KIRREL3: variants seen among roughly 807,000 people sequenced by gnomAD.
KIRREL3 encodes kirre like nephrin family adhesion molecule 3.
A neutral mutation model predicts 89.7 loss-of-function variants in KIRREL3; 36 were observed. The ratio of observed to expected loss-of-function variants is 0.40; its 90% CI spans 0.31 to 0.53. The LOEUF (loss-of-function observed/expected upper bound fraction) is 0.53. Among genes scored for constraint, KIRREL3 ranks in the 20% least tolerant of loss-of-function variants. The pLI, the probability that KIRREL3 is intolerant of heterozygous loss-of-function variation, is 0.49. For synonymous variants in KIRREL3, 445 were observed against 441.4 expected (o/e 1.01, Z -0.10); for missense variants, 864 against 1,056.6 (o/e 0.82, Z 2.53).
intron 1 of KIRREL3, among the ~76,000 whole-genome samples, chr11:126,794,878 T>C (rs1950755635): frequency 6.6e-6 from 1 of 152,242 alleles, no homozygotes; most frequent in Admixed American, 6.5e-5. Context: ...GGATAAACTG[T>C]GGTACCTCCA....
intron 1 of KIRREL3, among the ~76,000 whole-genome samples, chr11:126,800,751 T>A (rs1565742967): frequency 6.6e-6 from 1 of 152,142 alleles, no homozygotes; most frequent in Non-Finnish European, 1.5e-5. Flanking sequence ...CAGCCAGGTG[T>A]GAACTCCAGG....
chr11:126,568,470 T>C lies in KIRREL3; in HGVS notation c.56-5558A>G, dbSNP rs748735381. ...GACATTCATCCCTGCCACGTTGACA[T>C]AGAGAGCAGGGGAGGGGCTGAAAAA... On this transcript the variant is annotated intron_variant, in intron 1 of 16. Transcript: ENST00000525144. This position sits in a 1 kb window ranked among gnomAD's most constrained non-coding sequence, Gnocchi z 4.6. Among the ~76,000 whole-genome samples, 63 of 152,054 alleles carry C rather than the reference T, an allele frequency of 4.1e-4. No homozygotes were observed. The highest frequency in any genetic ancestry group is 1.6e-3 in the Admixed American group (24 of 15,276).
chr11:126,626,927 G>T (rs1035607559), intron 1 of KIRREL3, among the ~76,000 whole-genome samples: 1 of 151,828 alleles, frequency 6.6e-6, no homozygotes, highest in Non-Finnish European at 1.5e-5. Flanking sequence ...AGAATCGCTT[G>T]AACCCAGTGG....
rs1943115109 is a variant in KIRREL3 at position 126,611,249 on chromosome 11, T to C, written c.56-48337A>G. ...TTGGCTCACAGCGCCCGGTGAATGTTAGCTGCTATTACTGTTGTTCCTACC... is the reference window on the plus strand; with the variant it reads ...TTGGCTCACAGCGCCCGGTGAATGTCAGCTGCTATTACTGTTGTTCCTACC... On this transcript the variant is annotated intron_variant, in intron 1 of 16. Coordinates refer to ENST00000525144, the MANE Select transcript of KIRREL3 (RefSeq NM_032531.4). The surrounding 1 kb of genome is among the most constrained non-coding windows in gnomAD (Gnocchi z 4.7). Among the ~76,000 whole-genome samples the C allele has an allele frequency of 6.6e-6, 1 of 152,184 alleles. No individual in the cohort carries two copies. The highest frequency in any genetic ancestry group is 2.1e-4 in the South Asian group (1 of 4,828).
In KIRREL3 at chr11:126,978,701, A is replaced by T. The variant is rs1949644669; in HGVS notation, c.55+21754T>A. 6.6e-6 allele frequency among the ~76,000 whole-genome samples: 1 copy of T among 150,782 alleles called. No individual in the cohort carries two copies. Among genetic ancestry groups the T allele is most frequent in the South Asian group, 2.2e-4 (1 of 4,642 alleles). On this transcript the variant is annotated intron_variant, in intron 1 of 16. Transcript: ENST00000525144. The surrounding 1 kb of genome is among the most constrained non-coding windows in gnomAD (Gnocchi z 4.2). ...CTGCCCATTTTCTTAGCTAATGTCC[A>T]CTCTGCCCTGGAGCTTTGCTTCATG...
At chr11:126,447,252 G>A (rs551098149) in intron 8 of KIRREL3, among the ~76,000 whole-genome samples, 1 of 151,878 alleles carries the variant, frequency 6.6e-6, no homozygotes, top group East Asian at 2.0e-4. Context: ...GAAAGCTGCG[G>A]AAGCCCCTCC....
chr11:126,894,231 G>T (rs937018961), intron 1 of KIRREL3, among the ~76,000 whole-genome samples: 2 of 152,082 alleles, frequency 1.3e-5, no homozygotes, highest in Non-Finnish European at 2.9e-5. Flanking sequence ...GAAAGCTAGG[G>T]TTGTCTTAAT....
intron 11 of KIRREL3, among the ~76,000 whole-genome samples, chr11:126,438,311 C>T (rs934411595): frequency 6.6e-6 from 1 of 152,238 alleles, no homozygotes; most frequent in Non-Finnish European, 1.5e-5. Flanking sequence ...TTTTCAGAGC[C>T]GGCCACATAC....
intron 1 of KIRREL3, among the ~76,000 whole-genome samples, chr11:126,810,671 T>G (rs991704079): frequency 2.0e-5 from 3 of 151,984 alleles, no homozygotes; most frequent in Non-Finnish European, 4.4e-5. Flanking sequence ...CAGCCAGAGG[T>G]CTTTACATTG....
chr11:126,704,875 TCTC>T lies in KIRREL3; in HGVS notation c.56-141966_56-141964del, dbSNP rs1237892236. 6.6e-6 allele frequency among the ~76,000 whole-genome samples: 1 copy of T among 152,132 alleles called. No homozygotes were observed. Among genetic ancestry groups the T allele is most frequent in the East Asian group, 1.9e-4 (1 of 5,190 alleles). ...GGCCATCACCCAAGGGAAGCAGTATTCTCCTCCTGCGACCATGCCATGGGATGA... is the reference window on the plus strand; with the variant it reads ...GGCCATCACCCAAGGGAAGCAGTATTCTCCTGCGACCATGCCATGGGATGA... On this transcript the variant is annotated intron_variant, in intron 1 of 16. Coordinates refer to ENST00000525144, the MANE Select transcript of KIRREL3 (RefSeq NM_032531.4). The surrounding 1 kb of genome is among the most constrained non-coding windows in gnomAD (Gnocchi z 4.2).
chr11:126,998,916 A>AGTGT (rs10561880), intron 1 of KIRREL3, among the ~76,000 whole-genome samples: 4,059 of 141,242 alleles, frequency 0.029, 142 homozygotes, highest in East Asian at 0.085. Flanking sequence ...GACGAATGGG[A>AGTGT]GTGTGTGTGT....
chr11:126,474,855 G>A lies in KIRREL3; in HGVS notation c.434-1389C>T, dbSNP rs898260316. Among the ~76,000 whole-genome samples the A allele has an allele frequency of 6.6e-6, 1 of 152,216 alleles. No individual in the cohort carries two copies. Among genetic ancestry groups the A allele is most frequent in the African/African-American group, 2.4e-5 (1 of 41,460 alleles). ...TGGAGGAGAGGCCCAGAAATCTGAA[G>A]TACCTTGCCTAGGACACAGGGCCTT... On this transcript the variant is annotated intron_variant, in intron 4 of 16. Transcript: ENST00000525144. This position sits in a 1 kb window ranked among gnomAD's most constrained non-coding sequence, Gnocchi z 6.7.
intron 1 of KIRREL3, among the ~76,000 whole-genome samples, chr11:126,702,507 G>A (rs1947350479): frequency 6.6e-6 from 1 of 152,222 alleles, no homozygotes; most frequent in Non-Finnish European, 1.5e-5. Context: ...GAGAGGTGGA[G>A]GAGGGCAGAT....
upstream of KIRREL3, among the ~76,000 whole-genome samples, chr11:127,002,494 A>T (rs955984380): frequency 6.6e-5 from 10 of 152,254 alleles, no homozygotes; most frequent in Non-Finnish European, 1.3e-4. Flanking sequence ...GGAAGAGGCA[A>T]ATCAAAAACA....
Position 126,521,205 on chromosome 11 carries a change from A to G in KIRREL3, c.433+110T>C. On this transcript the variant is annotated intron_variant, in intron 4 of 16. Transcript: ENST00000525144. The surrounding 1 kb of genome is among the most constrained non-coding windows in gnomAD (Gnocchi z 4.1). Reference sequence around the variant, plus strand: ...GCAGCAGTGTCTGGAGCCCTGTGGGATGATCCCCAGAGGGGAGTCTCCCCA... The same window carrying G: ...GCAGCAGTGTCTGGAGCCCTGTGGGGTGATCCCCAGAGGGGAGTCTCCCCA... The G allele has an allele frequency of 8.5e-7, 1 of 1,179,752 alleles. No individual in the cohort carries two copies. The highest frequency in any genetic ancestry group is 2.7e-5 in the East Asian group (1 of 37,002). 73.1% of individuals were successfully genotyped at this position (1,179,752 alleles called of 1,614,324 possible).
chr11:126,541,402 G>C lies in KIRREL3; in HGVS notation c.134-14715C>G, dbSNP rs1322446053. ...TTATCCAAAATCCTATTTCGGGGGTGGGGGGTGGTCCTAAGGTTGAAAATA... is the reference window on the plus strand; with the variant it reads ...TTATCCAAAATCCTATTTCGGGGGTCGGGGGTGGTCCTAAGGTTGAAAATA... On this transcript the variant is annotated intron_variant, in intron 2 of 16. Transcript: ENST00000525144. This position sits in a 1 kb window ranked among gnomAD's most constrained non-coding sequence, Gnocchi z 4.8. 2.0e-5 allele frequency among the ~76,000 whole-genome samples: 3 copies of C among 151,440 alleles called. No homozygotes were observed. Among genetic ancestry groups the C allele is most frequent in the African/African-American group, 7.3e-5 (3 of 40,834 alleles).
chr11:126,512,738 C>T lies in KIRREL3; in HGVS notation c.433+8577G>A, dbSNP rs192118549. The stretch of plus-strand genomic sequence containing the variant: ...GCCTGCTCAGCATCTCCCAGGGTCA[C>T]GCTTGGTTCCAGCAGCTGAAGGGTA... On this transcript the variant is annotated intron_variant, in intron 4 of 16. Coordinates refer to ENST00000525144, the MANE Select transcript of KIRREL3 (RefSeq NM_032531.4). Among the ~76,000 whole-genome samples, 28 of 152,272 alleles carry T rather than the reference C, an allele frequency of 1.8e-4. No homozygotes were observed. The East Asian group carries it at 4.6e-3, about 25-fold the overall frequency.
At chr11:126,673,929 A>T (rs1837753516) in intron 1 of KIRREL3, among the ~76,000 whole-genome samples, 1 of 152,226 alleles carries the variant, frequency 6.6e-6, no homozygotes, top group South Asian at 2.1e-4. Context: ...AGGAGGGCCC[A>T]TCTATGTGAA....
Position 126,687,369 on chromosome 11 carries a change from C to T in KIRREL3, c.56-124457G>A, listed in dbSNP as rs1020135077. Among the ~76,000 whole-genome samples, 1 of 152,134 alleles carries T rather than the reference C, an allele frequency of 6.6e-6. No homozygotes were observed. Among genetic ancestry groups the T allele is most frequent in the African/African-American group, 2.4e-5 (1 of 41,420 alleles). ...TCCCAACATAACATCCCCAAATTTA[C>T]CTAGCCCAGAGTTTTAAAAAATTTA... On this transcript the variant is annotated intron_variant, in intron 1 of 16. Transcript: ENST00000525144. The surrounding 1 kb of genome is among the most constrained non-coding windows in gnomAD (Gnocchi z 4.6).
Sources: gnomAD v4.1 joint callset for allele counts (sites outside exome capture counted in the v4.1 genomes callset) on GRCh38, gnomAD v4.1.1 for gene constraint, Gnocchi (gnomAD v3.1) non-coding constraint, MANE v1.5 for transcripts, NCBI Gene and HGNC (gene_info 2026-07-23, HGNC 2026-07-21) for gene names.